The following WDSUB1 variants were observed in gnomAD, a reference collection of about 807,000 sequenced individuals.
WDSUB1 encodes the protein WD repeat, SAM and U-box domain-containing protein 1.
WDSUB1 carries 49 observed loss-of-function variants against 53.9 expected under a neutral mutation model. The observed-to-expected ratio is 0.91, with a 90% confidence interval of 0.72 to 1.15. WDSUB1 has a LOEUF of 1.15. Among genes scored for constraint, WDSUB1 ranks in the 50% most tolerant of loss-of-function variants. WDSUB1 has a pLI of 0.00. For missense variants in WDSUB1, 514 were observed against 562.0 expected, an observed-to-expected ratio of 0.91 and a Z score of 0.86; for synonymous variants, 194 against 200.6, an observed-to-expected ratio of 0.97 and a Z score of 0.28.
chr2:159,270,758 C>A (rs1035859983), intron 5 of WDSUB1, among the ~76,000 whole-genome samples: 2 of 152,050 alleles, frequency 1.3e-5, no homozygotes, highest in African/African-American at 2.4e-5. Flanking sequence ...GCTGACTACA[C>A]TAAAATTATA....
At chr2:159,276,176 C>T (rs1016983234) in intron 3 of WDSUB1, among the ~76,000 whole-genome samples, 1 of 152,204 alleles carries the variant, frequency 6.6e-6, no homozygotes, top group Admixed American at 6.5e-5. Flanking sequence ...ATTCTCCTGC[C>T]TCAGCCTCCC....
chr2:159,285,069 G>A (rs11675075), intron 1 of WDSUB1, among the ~76,000 whole-genome samples: 59,557 of 152,032 alleles, frequency 0.39, 13,395 homozygotes, highest in Non-Finnish European at 0.54. Flanking sequence ...TGTCTCCTCC[G>A]ACTAGGATGT....
chr2:159,285,295 C>T lies in WDSUB1; in HGVS notation c.-25+1288G>A, dbSNP rs145183510. Among the ~76,000 whole-genome samples the T allele has an allele frequency of 2.7e-3, 406 of 152,094 alleles. 1 individual carries two copies. The highest frequency in any genetic ancestry group is 4.3e-3 in the Non-Finnish European group (295 of 68,002). Reference sequence around the variant, plus strand: ...TATACACACACAGAAACATAACTGACGGTGGAAAACTGGTGTCAAGTGAGG... The same window carrying T: ...TATACACACACAGAAACATAACTGATGGTGGAAAACTGGTGTCAAGTGAGG... On this transcript the variant is annotated intron_variant, in intron 1 of 10. Coordinates refer to ENST00000359774, the MANE Select transcript of WDSUB1 (RefSeq NM_001128212.3).
chr2:159,280,616 G>A (rs867805094), intron 2 of WDSUB1, among the ~76,000 whole-genome samples: 3,167 of 144,048 alleles, frequency 0.022, 124 homozygotes, highest in African/African-American at 0.08. Flanking sequence ...GCGTGAACCC[G>A]GGAGGCGGAG....
At chr2:159,237,179 T>C (rs1174730534) in intron 10 of WDSUB1, among the ~76,000 whole-genome samples, 1 of 152,108 alleles carries the variant, frequency 6.6e-6, no homozygotes, top group Non-Finnish European at 1.5e-5. Flanking sequence ...AGGACTAGAG[T>C]GGTCCCAAAA....
chr2:159,250,616 T>C (rs1407551312), intron 9 of WDSUB1, among the ~76,000 whole-genome samples: 2 of 152,232 alleles, frequency 1.3e-5, no homozygotes, highest in African/African-American at 4.8e-5. Flanking sequence ...ATGCTGTGTT[T>C]TCCAAGGGTT....
intron 9 of WDSUB1, among the ~76,000 whole-genome samples, chr2:159,252,043 A>G (rs2060961684): frequency 6.6e-6 from 1 of 152,188 alleles, no homozygotes; most frequent in Non-Finnish European, 1.5e-5. Context: ...CAGACCACCA[A>G]GCTGGTCACT....
rs34183718 is a variant in WDSUB1, at chr2:159,235,876, GT to G, written c.*156del. On this transcript the variant is annotated 3_prime_UTR_variant, in exon 11 of 11. Coordinates refer to ENST00000359774, the MANE Select transcript of WDSUB1 (RefSeq NM_001128212.3). ...AAAGGCTTTTATAGTAAGTCCATGT[GT>G]TTTTTAAAGAATGAAAATTGACAAT... is the stretch of plus-strand genomic sequence containing the variant. 0.55 allele frequency: 362,566 copies of G among 661,950 alleles called. 103,761 individuals carry two copies. The highest frequency in any genetic ancestry group is 0.72 in the African/African-American group (38,367 of 53,640). The allele number at this position is 661,950 out of a possible 1,614,324, so 41.0% of individuals were successfully genotyped here.
chr2:159,238,493 A>G (rs1340440516), intron 10 of WDSUB1, among the ~76,000 whole-genome samples: 1 of 152,222 alleles, frequency 6.6e-6, no homozygotes, highest in African/African-American at 2.4e-5. Context: ...TTTGGAATTT[A>G]AATATACACT....
chr2:159,242,497 C>T (rs1055323704), intron 10 of WDSUB1, among the ~76,000 whole-genome samples: 16 of 147,086 alleles, frequency 1.1e-4, no homozygotes, highest in Non-Finnish European at 2.1e-4. Context: ...CCCATCTCTA[C>T]TAAAAATACA....
intron 5 of WDSUB1, among the ~76,000 whole-genome samples, chr2:159,261,696 A>G (rs2061191482): frequency 6.6e-6 from 1 of 151,566 alleles, no homozygotes; most frequent in African/African-American, 2.4e-5. Context: ...TCAATTTGAA[A>G]AAGTATCCAC....
intron 5 of WDSUB1, among the ~76,000 whole-genome samples, chr2:159,268,411 A>G (rs2061385902): frequency 6.6e-6 from 1 of 152,238 alleles, no homozygotes; most frequent in Non-Finnish European, 1.5e-5. Context: ...CAATTACTAT[A>G]AATACTTTTT....
At position 159,242,608 on chromosome 2, in the gene WDSUB1, T is replaced by C. The variant is rs1422032253; in HGVS notation, c.1273+5764A>G. Among the ~76,000 whole-genome samples, 3 of 147,692 alleles carry C rather than the reference T, an allele frequency of 2.0e-5. 1 individual carries two copies. Among genetic ancestry groups the C allele is most frequent in the African/African-American group, 5.3e-5 (2 of 37,930 alleles). ...AGGCAGAGGTTGCAGTGAGCCAAGA[T>C]TGTGCCATTGCACTCCAGTCTGGGC... On this transcript the variant is annotated intron_variant, in intron 10 of 10. Coordinates refer to ENST00000359774, the MANE Select transcript of WDSUB1 (RefSeq NM_001128212.3).
chr2:159,271,477 T>C (rs1216764179), intron 5 of WDSUB1, among the ~76,000 whole-genome samples: 1 of 152,144 alleles, frequency 6.6e-6, no homozygotes, highest in Non-Finnish European at 1.5e-5. Context: ...TAATTTGTTT[T>C]AGGTCAGTTT....
At chr2:159,253,841 T>C (rs528577128) in intron 9 of WDSUB1, among the ~76,000 whole-genome samples, 5 of 152,354 alleles carry the variant, frequency 3.3e-5, no homozygotes, top group South Asian at 2.1e-4. Context: ...AAGAAATTCA[T>C]TGTAGCTTAC....
intron 6 of WDSUB1, 54 bp from the exon 7 acceptor site, chr2:159,258,039 G>GA: frequency 1.3e-6 from 2 of 1,503,720 alleles, no homozygotes; most frequent in Admixed American, 1.7e-5. Flanking sequence ...TAAAGTTACT[G>GA]ATGAAGACTC....
chr2:159,280,505 A>C (rs1368803731), intron 2 of WDSUB1, among the ~76,000 whole-genome samples: 10 of 150,504 alleles, frequency 6.6e-5, no homozygotes, highest in Non-Finnish European at 1.2e-4. Flanking sequence ...TCCCGGCTAA[A>C]ACGGTGAAAC....
intron 2 of WDSUB1, among the ~76,000 whole-genome samples, chr2:159,282,125 A>G (rs1189394929): frequency 6.6e-6 from 1 of 152,086 alleles, no homozygotes; most frequent in African/African-American, 2.4e-5. Context: ...ATTGGCGCTA[A>G]GCAAATCTAC....
intron 8 of WDSUB1, among the ~76,000 whole-genome samples, chr2:159,257,095 G>C (rs1025202431): frequency 6.6e-6 from 1 of 151,930 alleles, no homozygotes; most frequent in Admixed American, 6.6e-5. Flanking sequence ...TGACCTCCTG[G>C]GCTCAGGTGA....
Sources: allele counts gnomAD v4.1 joint callset (sites outside exome capture counted in the v4.1 genomes callset), GRCh38; gene constraint gnomAD v4.1.1; transcripts MANE v1.5; gene names NCBI Gene and HGNC (gene_info 2026-07-23, HGNC 2026-07-21).